OR52N1: variants seen among roughly 807,000 people sequenced by gnomAD.
The protein encoded by OR52N1 is olfactory receptor 52N1.
In OR52N1, 11 loss-of-function variants were observed where a neutral mutation model predicts 13.9. The observed-to-expected ratio is 0.79, with a 90% CI of 0.50 to 1.31. The LOEUF is 1.31. OR52N1 is among the 40% of genes most tolerant of loss of function. The pLI is 0.00. For synonymous variants in OR52N1, 142 were observed against 143.7 expected, an observed-to-expected ratio of 0.99 and a Z score of 0.08; for missense variants, 414 against 397.7, an observed-to-expected ratio of 1.04 and a Z score of -0.35.
intron 1 of OR52N1, among the ~76,000 whole-genome samples, chr11:5,789,790 C>T (rs987289840): frequency 2.6e-5 from 4 of 151,914 alleles, no homozygotes; most frequent in Non-Finnish European, 5.9e-5. Flanking sequence ...AGAAGATGTT[C>T]AATACGTTTT....
At chr11:5,789,230 A>T (rs1590356049) in intron 1 of OR52N1, among the ~76,000 whole-genome samples, 1 of 152,202 alleles carries the variant, frequency 6.6e-6, no homozygotes, top group Admixed American at 6.5e-5. Flanking sequence ...AACAGACTTC[A>T]TTAGTTCCTG....
Position 5,788,357 on chromosome 11 carries a change from C to A in OR52N1, c.460G>T (p.Gly154Cys), listed in dbSNP as rs776042360. ...GTGGAAGGGATAACAAGCATCACACCCCTAAGAAAAGTGAGGAACCCAGCT... is the reference window on the plus strand; with the variant it reads ...GTGGAAGGGATAACAAGCATCACACACCTAAGAAAAGTGAGGAACCCAGCT... ...AKAGFLTFLR[G>C]VMLVIPSTFL... The change falls in exon 2 of 2, where the codon GGT becomes TGT. Residue 154 changes from glycine to cysteine, a missense_variant. Coordinates refer to ENST00000641645, the MANE Select transcript of OR52N1 (RefSeq NM_001001913.2). 2 of 1,613,796 alleles carry A rather than the reference C, an allele frequency of 1.2e-6. No homozygotes were observed. Among genetic ancestry groups the A allele is most frequent in the African/African-American group, 2.7e-5 (2 of 74,900 alleles).
chr11:5,788,122 G>C lies in OR52N1; in HGVS notation c.695C>G (p.Ser232Ter). 6.2e-7 allele frequency: 1 copy of C among 1,614,024 alleles called. No individual in the cohort carries two copies. The highest frequency in any genetic ancestry group is 1.3e-5 in the African/African-American group (1 of 75,018). Residue 232 changes from serine to a stop codon, truncating the protein, a stop_gained, in exon 2 of 2, where the codon TCA becomes TGA. Coordinates refer to ENST00000641645, the MANE Select transcript of OR52N1 (RefSeq NM_001001913.2). LOFTEE classifies it high-confidence loss of function. Reference sequence around the variant, plus strand: ...GAAGGCCTTCTGTCGAGCATCTGCTGATGATAGACTCACAACTGCTTGAAG... The same window carrying C: ...GAAGGCCTTCTGTCGAGCATCTGCTCATGATAGACTCACAACTGCTTGAAG... Reference protein sequence around the residue: ...MILQAVVSLSSADARQKAFST... With the variant: ...MILQAVVSLS
intron 1 of OR52N1, among the ~76,000 whole-genome samples, chr11:5,789,283 G>A (rs1334732290): frequency 1.3e-5 from 2 of 152,148 alleles, no homozygotes; most frequent in East Asian, 3.8e-4. Flanking sequence ...TGGACATACT[G>A]ACAATATTTT....
Position 5,787,735 on chromosome 11 carries a change from G to C in OR52N1, c.*119C>G. On this transcript the variant is annotated 3_prime_UTR_variant, in exon 2 of 2. Coordinates refer to ENST00000641645, the MANE Select transcript of OR52N1 (RefSeq NM_001001913.2). ...TGATGGTACCCTTTCCAAAGATGTA[G>C]AGTAATCCGAGTATCATAAAAATAT... 1.1e-6 allele frequency: 1 copy of C among 872,934 alleles called. No individual in the cohort carries two copies. The highest frequency in any genetic ancestry group is 1.7e-6 in the Non-Finnish European group (1 of 579,900). 54.1% of individuals were successfully genotyped at this position (872,934 alleles called of 1,614,324 possible).
At position 5,788,707 on chromosome 11, in the gene OR52N1, T is replaced by G; in HGVS notation, c.110A>C (p.Tyr37Ser). ...GAAGTTCCCTGTAATAGCAATGCTG[T>G]ACATGGTACACAGTGGGAAGGAGAT... is the stretch of plus-strand genomic sequence containing the variant. ...LWISFPLCTMYSIAITGNFGL... is the reference protein window; with the variant it reads ...LWISFPLCTMSSIAITGNFGL... Residue 37 changes from tyrosine to serine, a missense_variant, in exon 2 of 2, where the codon TAC becomes TCC. Tyr to Ser is a moderately radical substitution (Grantham distance 144, BLOSUM62 -2). Transcript: ENST00000641645. The G allele has an allele frequency of 6.2e-7, 1 of 1,613,878 alleles. No individual in the cohort carries two copies. Among genetic ancestry groups the G allele is most frequent in the Non-Finnish European group, 8.5e-7 (1 of 1,179,944 alleles).
rs1013005542 is a variant in OR52N1 at position 5,786,544 on chromosome 11, T to A, written c.*1310A>T. Reference sequence around the variant, plus strand: ...AGTGTTTGGTTTTTTGTCCTTGCGATAGTTTGCTGAGAATGATGGTTTCCA... The same window carrying A: ...AGTGTTTGGTTTTTTGTCCTTGCGAAAGTTTGCTGAGAATGATGGTTTCCA... On this transcript the variant is annotated 3_prime_UTR_variant, in exon 2 of 2. Transcript: ENST00000641645. The A allele has an allele frequency of 3.0e-5, 4 of 134,606 alleles. No homozygotes were observed. The highest frequency in any genetic ancestry group is 4.4e-4 in the East Asian group (2 of 4,586). The allele number at this position is 134,606 out of a possible 1,614,324, so 8.3% of individuals were successfully genotyped here.
intron 1 of OR52N1, among the ~76,000 whole-genome samples, chr11:5,789,553 T>C (rs1388687822): frequency 1.3e-5 from 2 of 152,104 alleles, no homozygotes; most frequent in African/African-American, 4.8e-5. Context: ...TTTCCTAAGA[T>C]TACAGTCTAG....
chr11:5,787,737 G>T lies in OR52N1; in HGVS notation c.*117C>A. 1 of 887,030 alleles carries T rather than the reference G, an allele frequency of 1.1e-6. No homozygotes were observed. Among genetic ancestry groups the T allele is most frequent in the Non-Finnish European group, 1.7e-6 (1 of 592,490 alleles). 54.9% of individuals were successfully genotyped at this position (887,030 alleles called of 1,614,324 possible). ...ATGGTACCCTTTCCAAAGATGTAGA[G>T]TAATCCGAGTATCATAAAAATATTC... is the stretch of plus-strand genomic sequence containing the variant. On this transcript the variant is annotated 3_prime_UTR_variant, in exon 2 of 2. Coordinates refer to ENST00000641645, the MANE Select transcript of OR52N1 (RefSeq NM_001001913.2).
chr11:5,788,811 T>C lies in OR52N1; in HGVS notation c.6A>G (p.Ser2=). 1 of 1,598,714 alleles carries C rather than the reference T, an allele frequency of 6.3e-7. No homozygotes were observed. Among genetic ancestry groups the C allele is most frequent in the Non-Finnish European group, 8.5e-7 (1 of 1,177,158 alleles). M[S]FLNGTSLTPA... ...GAGTTAGGCTGGTGCCATTTAGAAA[T>C]GACATAATGACTGTTGGAAGTTCAT... The change falls in exon 2 of 2, where the codon TCA becomes TCG. Residue 2 remains serine (S), a synonymous_variant. Coordinates refer to ENST00000641645, the MANE Select transcript of OR52N1 (RefSeq NM_001001913.2).
chr11:5,790,287 T>C (rs1301975936), intron 1 of OR52N1, among the ~76,000 whole-genome samples: 3 of 152,018 alleles, frequency 2.0e-5, no homozygotes, highest in East Asian at 1.9e-4. Flanking sequence ...ACTTTTCTAA[T>C]TGAGATATAA....
Position 5,786,541 on chromosome 11 carries a change from C to A in OR52N1, c.*1313G>T, listed in dbSNP as rs1057352501. 8.3e-5 allele frequency: 11 copies of A among 132,988 alleles called. 2 individuals carry two copies. Among genetic ancestry groups the A allele is most frequent in the African/African-American group, 3.0e-4 (11 of 36,246 alleles). 8.2% of individuals were successfully genotyped at this position (132,988 alleles called of 1,614,324 possible). A position where few individuals can be genotyped will look rare whatever the true frequency, so the allele number is the denominator to read the frequency against. On this transcript the variant is annotated 3_prime_UTR_variant, in exon 2 of 2. Transcript: ENST00000641645. ...TGCAGTGTTTGGTTTTTTGTCCTTG[C>A]GATAGTTTGCTGAGAATGATGGTTT...
intron 1 of OR52N1, among the ~76,000 whole-genome samples, chr11:5,790,085 A>T (rs561386217): frequency 5.9e-5 from 9 of 152,258 alleles, no homozygotes; most frequent in African/African-American, 1.2e-4. Context: ...TTTCTAATTT[A>T]AAAATATCAA....
At position 5,787,080 on chromosome 11, in the gene OR52N1, C is replaced by A. The variant is rs564106595; in HGVS notation, c.*774G>T. Reference sequence around the variant, plus strand: ...ACTAAGTTGATACACCCTGCAACTACCATCCAGGTCAAGAACTAATCAACG... The same window carrying A: ...ACTAAGTTGATACACCCTGCAACTAACATCCAGGTCAAGAACTAATCAACG... On this transcript the variant is annotated 3_prime_UTR_variant, in exon 2 of 2. Coordinates refer to ENST00000641645, the MANE Select transcript of OR52N1 (RefSeq NM_001001913.2). 1 of 139,844 alleles carries A rather than the reference C, an allele frequency of 7.2e-6. No homozygotes were observed. The highest frequency in any genetic ancestry group is 7.4e-5 in the Admixed American group (1 of 13,600). 8.7% of individuals were successfully genotyped at this position (139,844 alleles called of 1,614,324 possible).
At chr11:5,791,081 A>C (rs1854655399) in intron 1 of OR52N1, 30 bp downstream of exon 1, 1 of 152,112 alleles carries the variant, frequency 6.6e-6, no homozygotes, top group African/African-American at 2.4e-5. Context: ...AACTTAAAAT[A>C]AAAGCTTAAA....
At chr11:5,790,648 TAAG>T (rs1854647876) in intron 1 of OR52N1, among the ~76,000 whole-genome samples, 1 of 152,076 alleles carries the variant, frequency 6.6e-6, no homozygotes, top group South Asian at 2.1e-4. Context: ...ATCCCTTTAA[TAAG>T]AATAAAGAAA....
Position 5,788,553 on chromosome 11 carries a change from C to A in OR52N1, c.264G>T (p.Trp88Cys). The part of the protein sequence containing the change: ...STLPNTLFIL[W>C]FNLKEIDFKA... ...TAAAATCAATCTCCTTGAGATTAAA[C>A]CACAATATGAAGAGAGTGTTGGGAA... Residue 88 changes from tryptophan (W) to cysteine (C), a missense_variant, in exon 2 of 2, where the codon TGG becomes TGT. Transcript: ENST00000641645. 1 of 1,613,844 alleles carries A rather than the reference C, an allele frequency of 6.2e-7. No individual in the cohort carries two copies. The highest frequency in any genetic ancestry group is 8.5e-7 in the Non-Finnish European group (1 of 1,179,866).
chr11:5,791,074 TTAAAA>T (rs1266196020), intron 1 of OR52N1, 32 bp downstream of exon 1: 1 of 152,040 alleles, frequency 6.6e-6, no homozygotes, highest in Non-Finnish European at 1.5e-5. Context: ...AAGCCTGAAC[TTAAAA>T]TAAAAGCTTA....
Position 5,788,629 on chromosome 11 carries a change from A to G in OR52N1, c.188T>C (p.Val63Ala). ...TGTGAAGGAAAGAAGGGCAAGGAAG[A>G]CATACATAGGTCTGTGTAAGGCCTC... ...CDEALHRPMY[V>A]FLALLSFTDV... is the part of the protein sequence containing the mutation. The change falls in exon 2 of 2, where the codon GTC becomes GCC. Residue 63 changes from valine to alanine, a missense_variant. Val to Ala is a moderately conservative substitution (Grantham distance 64, BLOSUM62 0). Transcript: ENST00000641645. 6.2e-7 allele frequency: 1 copy of G among 1,614,056 alleles called. No homozygotes were observed. Among genetic ancestry groups the G allele is most frequent in the Admixed American group, 1.7e-5 (1 of 59,998 alleles).
Sources: allele counts gnomAD v4.1 joint callset (sites outside exome capture counted in the v4.1 genomes callset), GRCh38; gene constraint gnomAD v4.1.1; transcripts MANE v1.5; gene names NCBI Gene and HGNC (gene_info 2026-07-23, HGNC 2026-07-21).